Variants in CLUH observed in about 807,000 individuals in gnomAD.
CLUH encodes the protein CLUH binding protein of NUMT mRNA, also known as clustered mitochondria protein homolog.
Under a neutral mutation model 139.3 loss-of-function variants are expected in CLUH, and 77 were observed. The ratio of observed to expected loss-of-function variants is 0.55; its 90% CI spans 0.46 to 0.67. The LOEUF is 0.67. CLUH is among the 30% of genes least tolerant of loss of function. CLUH has a pLI of 0.00. For synonymous variants in CLUH, 999 were observed against 801.6 expected (o/e 1.25, Z -4.16); for missense variants, 1,876 against 1,875.8 (o/e 1.00, Z 0.00).
In CLUH at chr17:2,704,622, C is replaced by T. The variant is rs559301406; in HGVS notation, c.101-58G>A. ...AGCCTCGCTGGTCGGCGGGGCTGTC[C>T]GCCTGACCCCACACGGGGACACGTG... On this transcript the variant is annotated intron_variant, in intron 1 of 25. Coordinates refer to ENST00000651024, the MANE Select transcript of CLUH (RefSeq NM_001366661.1). This position sits in a 1 kb window ranked among gnomAD's most constrained non-coding sequence, Gnocchi z 5.7. The T allele has an allele frequency of 6.2e-6, 9 of 1,461,316 alleles. No homozygotes were observed. Among genetic ancestry groups the T allele is most frequent in the East Asian group, 2.5e-5 (1 of 40,244 alleles). 90.5% of individuals were successfully genotyped at this position (1,461,316 alleles called of 1,614,324 possible).
At position 2,690,184 on chromosome 17, in the gene CLUH, G is replaced by A. The variant is rs2069567246; in HGVS notation, c.*410C>T. 2 of 178,634 alleles carry A rather than the reference G, an allele frequency of 1.1e-5. No homozygotes were observed. Among genetic ancestry groups the A allele is most frequent in the Non-Finnish European group, 1.2e-5 (1 of 86,042 alleles). 11.1% of individuals were successfully genotyped at this position (178,634 alleles called of 1,614,324 possible). A position where few individuals can be genotyped will look rare whatever the true frequency, so the allele number is the denominator to read the frequency against. ...CATGTCGACCATACAAATGACCTGA[G>A]AAATCCCGTCTGCGCGTCACCCACT... is the stretch of plus-strand genomic sequence containing the variant. On this transcript the variant is annotated 3_prime_UTR_variant, in exon 26 of 26. Coordinates refer to ENST00000651024, the MANE Select transcript of CLUH (RefSeq NM_001366661.1).
Position 2,691,669 on chromosome 17 carries a change from C to G in CLUH, c.3803G>C (p.Ser1268Thr), listed in dbSNP as rs768761272. 14 of 1,611,960 alleles carry G rather than the reference C, an allele frequency of 8.7e-6. No homozygotes were observed. The highest frequency in any genetic ancestry group is 3.3e-5 in the Admixed American group (2 of 59,922). ...NIPPLKFTAP[S>T]MASVLEQLNV... is the part of the protein sequence containing the mutation. ...CAGCTGCTCCAAGACGCTGGCCATG[C>G]TGGGGGCCGTGAACTGCGGGGCGGG... Residue 1268 changes from serine to threonine, a missense_variant, in exon 25 of 26, where the codon AGC becomes ACC. By Grantham distance (58) the Ser-to-Thr change is moderately conservative. Transcript: ENST00000651024.
chr17:2,711,334 G>A (rs1292285416), intron 1 of CLUH: 2 of 152,260 alleles, frequency 1.3e-5, no homozygotes, highest in South Asian at 2.1e-4. Context: ...CCCGCCGAGG[G>A]TGCCAGCCGA....
rs536028738 is a variant in CLUH, at chr17:2,691,747, C to T, written c.3789+14G>A. The T allele has an allele frequency of 4.4e-6, 7 of 1,596,778 alleles. No individual in the cohort carries two copies. The South Asian group carries it at 6.8e-5, about 15-fold the overall frequency. ...GCTCGCCGGGCCGGAGGGGCCGCTC[C>T]GCCCCGGACTCACCTTGAGGGGCGG... On this transcript the variant is annotated intron_variant, in intron 24 of 25. Coordinates refer to ENST00000651024, the MANE Select transcript of CLUH (RefSeq NM_001366661.1).
rs1006998188 is a variant in CLUH at position 2,706,821 on chromosome 17, C to T, written c.101-2257G>A. Among the ~76,000 whole-genome samples the T allele has an allele frequency of 6.6e-6, 1 of 152,160 alleles. No homozygotes were observed. The highest frequency in any genetic ancestry group is 6.5e-5 in the Admixed American group (1 of 15,286). ...AGGGCCCCCACCCAATATAGAACAGCAGTTTTGAGCTATGAGATCCCAAAA... is the reference window on the plus strand; with the variant it reads ...AGGGCCCCCACCCAATATAGAACAGTAGTTTTGAGCTATGAGATCCCAAAA... On this transcript the variant is annotated intron_variant, in intron 1 of 25. Transcript: ENST00000651024. The surrounding 1 kb of genome is among the most constrained non-coding windows in gnomAD (Gnocchi z 4.6).
Position 2,695,206 on chromosome 17 carries a change from G to C in CLUH, c.2607+12C>G. ...GGAGGCCATGGCCAGCCGCAGAGCG[G>C]ACGGGTGGCACCTGTAAGTACGTCT... is the stretch of plus-strand genomic sequence containing the variant. On this transcript the variant is annotated intron_variant, in intron 15 of 25. Transcript: ENST00000651024. 6.2e-7 allele frequency: 1 copy of C among 1,613,924 alleles called. No individual in the cohort carries two copies. The highest frequency in any genetic ancestry group is 8.5e-7 in the Non-Finnish European group (1 of 1,179,872).
chr17:2,695,437 G>A lies in CLUH; in HGVS notation c.2481C>T (p.Tyr827=), dbSNP rs376068167. 3.7e-6 allele frequency: 6 copies of A among 1,612,310 alleles called. No individual in the cohort carries two copies. Among genetic ancestry groups the A allele is most frequent in the Non-Finnish European group, 5.1e-6 (6 of 1,179,782 alleles). The change falls in exon 14 of 26, where the codon TAC becomes TAT. Residue 827 remains tyrosine, a synonymous_variant. Coordinates refer to ENST00000651024, the MANE Select transcript of CLUH (RefSeq NM_001366661.1). ...VMRQRGINMR[Y]LGKVLELVLR... ...GCACCAGCTCCAGCACCTTGCCCAG[G>A]TAGCGCATGTTGATGCCCCGCTGGC...
chr17:2,702,969 C>T (rs1460944870), intron 3 of CLUH, among the ~76,000 whole-genome samples: 1 of 152,170 alleles, frequency 6.6e-6, no homozygotes, highest in African/African-American at 2.4e-5. Flanking sequence ...GGATTACAGG[C>T]ACCTGCCACC....
At position 2,692,499 on chromosome 17, in the gene CLUH, G is replaced by A; in HGVS notation, c.3439-17C>T. ...GATGTTGTTCTGGGGGCAGGCGGTG[G>A]GGGGCCCTGGTCAGCTCCCGGTCCC... is the stretch of plus-strand genomic sequence containing the variant. On this transcript the variant is annotated splice_polypyrimidine_tract_variant and intron_variant, in intron 21 of 25. Coordinates refer to ENST00000651024, the MANE Select transcript of CLUH (RefSeq NM_001366661.1). 1 of 1,597,042 alleles carries A rather than the reference G, an allele frequency of 6.3e-7. No homozygotes were observed. The highest frequency in any genetic ancestry group is 8.5e-7 in the Non-Finnish European group (1 of 1,174,598).
Position 2,695,099 on chromosome 17 carries a change from T to C in CLUH, c.2610A>G (p.Gly870=). 6.2e-7 allele frequency: 1 copy of C among 1,612,278 alleles called. No individual in the cohort carries two copies. The highest frequency in any genetic ancestry group is 8.5e-7 in the Non-Finnish European group (1 of 1,179,034). The change falls in exon 16 of 26, where the codon GGA becomes GGG. Residue 870 remains glycine, a splice_region_variant and synonymous_variant. Transcript: ENST00000651024. ...AKHIFKTYLQ[G]VELSGLSAAI... is the part of the protein sequence containing the mutation. ...CGGCTGAGAGGCCGGAGAGCTCGACTCCCTGCGAGGCAGGTTGGATCCGAG... is the reference window on the plus strand; with the variant it reads ...CGGCTGAGAGGCCGGAGAGCTCGACCCCCTGCGAGGCAGGTTGGATCCGAG...
intron 12 of CLUH, 83 bp downstream of exon 12, chr17:2,696,351 A>G: frequency 6.6e-7 from 1 of 1,506,620 alleles, no homozygotes; most frequent in South Asian, 1.2e-5. Context: ...TGGGGGACAA[A>G]CCCACCAGCC....
chr17:2,698,905 G>T (rs1467298730), intron 9 of CLUH, among the ~76,000 whole-genome samples: 1 of 152,154 alleles, frequency 6.6e-6, no homozygotes, highest in Non-Finnish European at 1.5e-5. Flanking sequence ...AAATCAGCCA[G>T]GCGAGGTGGC....
rs2069588463 is a variant in CLUH at position 2,690,663 on chromosome 17, C to T, written c.3978G>A (p.Ala1326=). ...GGGAGCCCAGGTCTCCTGGGGCCCCCGCTGGCGCGGGCTCGGTAGCCATGG... is the reference window on the plus strand; with the variant it reads ...GGGAGCCCAGGTCTCCTGGGGCCCCTGCTGGCGCGGGCTCGGTAGCCATGG... ...EEPMATEPAP[A]GAPGDLGSQP... Residue 1326 remains alanine, a synonymous_variant, in exon 26 of 26, where the codon GCG becomes GCA. Transcript: ENST00000651024. 3 of 1,544,472 alleles carry T rather than the reference C, an allele frequency of 1.9e-6. No homozygotes were observed. The highest frequency in any genetic ancestry group is 1.4e-5 in the African/African-American group (1 of 70,080).
At chr17:2,699,683 G>A (rs1336438056) in intron 9 of CLUH, among the ~76,000 whole-genome samples, 1 of 150,318 alleles carries the variant, frequency 6.7e-6, no homozygotes, top group Non-Finnish European at 1.5e-5. Context: ...CCAGGCTGGA[G>A]TGCAGTGATG....
chr17:2,697,835 C>T, intron 10 of CLUH, 61 bp downstream of exon 10: 2 of 1,412,082 alleles, frequency 1.4e-6, no homozygotes, highest in South Asian at 1.5e-5. Context: ...CCGGATCCAC[C>T]CAGGGCGCCC....
rs538652796 is a variant in CLUH, at chr17:2,696,316, G to A, written c.2291-57C>T. 63 of 1,517,654 alleles carry A rather than the reference G, an allele frequency of 4.2e-5. 1 individual carries two copies. In the South Asian group the frequency reaches 6.2e-4, roughly 15 times the overall value. The allele number at this position is 1,517,654 out of a possible 1,614,324, so 94.0% of individuals were successfully genotyped here. A position where few individuals can be genotyped will look rare whatever the true frequency, so the allele number is the denominator to read the frequency against. ...GGCAGTGGCAAGACAAATGCCGCCT[G>A]GCGCTGGCGGGGGAAGCGCTCAGAT... On this transcript the variant is annotated intron_variant, in intron 12 of 25. Transcript: ENST00000651024.
At chr17:2,705,516 T>A (rs2070326394) in intron 1 of CLUH, among the ~76,000 whole-genome samples, 1 of 152,164 alleles carries the variant, frequency 6.6e-6, no homozygotes, top group South Asian at 2.1e-4. Flanking sequence ...CTTCTGTGTC[T>A]GTGCTGCCCC....
chr17:2,702,094 G>T (rs2070207263), intron 3 of CLUH, 37 bp from the exon 4 acceptor site: 1 of 1,603,986 alleles, frequency 6.2e-7, no homozygotes, highest in Admixed American at 1.7e-5. Flanking sequence ...CGTTACCAGG[G>T]CCCTGCACCC....
In CLUH at chr17:2,691,133, C is replaced by G. The variant is rs983488181; in HGVS notation, c.3864-356G>C. Among the ~76,000 whole-genome samples the G allele has an allele frequency of 4.6e-5, 7 of 151,900 alleles. No homozygotes were observed. In the East Asian group the frequency reaches 7.8e-4, roughly 17 times the overall value. On this transcript the variant is annotated intron_variant, in intron 25 of 25. Transcript: ENST00000651024. ...GGAGCCCGGGGCCTGCTCCTCAGCC[C>G]CCCCCCGCCGCAGGATGGGAAGCGT...
Sources: gnomAD v4.1 joint callset for allele counts (sites outside exome capture counted in the v4.1 genomes callset) on GRCh38, gnomAD v4.1.1 for gene constraint, Gnocchi (gnomAD v3.1) non-coding constraint, MANE v1.5 for transcripts, NCBI Gene and HGNC (gene_info 2026-07-23, HGNC 2026-07-21) for gene names.